The following CLCN5 variants were observed in gnomAD, a reference collection of about 807,000 sequenced individuals.
CLCN5 encodes H(+)/Cl(-) exchange transporter 5.
In CLCN5, 17 loss-of-function variants were observed where a neutral mutation model predicts 54.0. That is an observed-to-expected ratio of 0.31 (90% CI 0.22 to 0.47). The LOEUF (loss-of-function observed/expected upper bound fraction) is 0.47. Ranked by LOEUF, CLCN5 falls within the 20% of genes least tolerant of loss-of-function variation. The probability of loss-of-function intolerance (pLI) is 1.00; values close to 1 mark genes in which losing one functional copy is unlikely to be tolerated. For synonymous variants in CLCN5, 222 were observed against 233.0 expected, an observed-to-expected ratio of 0.95 and a Z score of 0.43; for missense variants, 448 against 646.7, an observed-to-expected ratio of 0.69 and a Z score of 3.33.
intron 3 of CLCN5, among the ~76,000 whole-genome samples, chrX:50,003,847 C>T (rs1930012563): frequency 8.9e-6 from 1 of 111,909 alleles, no homozygotes. Flanking sequence ...GTCTTAGCGG[C>T]ACCTAGAGGA....
intron 2 of CLCN5, among the ~76,000 whole-genome samples, chrX:49,924,688 G>T (rs1925251881): frequency 8.9e-6 from 1 of 111,913 alleles, no homozygotes. Context: ...ACTACTCAAA[G>T]GGTATCATCA....
intron 3 of CLCN5, among the ~76,000 whole-genome samples, chrX:50,028,263 A>G (rs782459948): frequency 8.9e-6 from 1 of 112,099 alleles, no homozygotes. Flanking sequence ...GGTATGCCTT[A>G]TAAGAAAAAC....
chrX:49,973,415 C>T (rs1928324213), intron 3 of CLCN5, among the ~76,000 whole-genome samples: 1 of 109,999 alleles, frequency 9.1e-6, no homozygotes, highest in Non-Finnish European at 1.9e-5. Context: ...GCACAACGTG[C>T]AGGTTTGTTA....
At chrX:50,026,555 G>A (rs1931400842) in intron 3 of CLCN5, among the ~76,000 whole-genome samples, 2 of 111,489 alleles carry the variant, frequency 1.8e-5, no homozygotes, top group South Asian at 7.6e-4. Flanking sequence ...CTGTTGTTAG[G>A]TGCTTATTTA....
intron 3 of CLCN5, among the ~76,000 whole-genome samples, chrX:50,018,305 T>C (rs1930888917): frequency 8.9e-6 from 1 of 112,455 alleles, no homozygotes; most frequent in African/African-American, 3.2e-5. Flanking sequence ...TTGATTTTTG[T>C]ATATTAACCT....
intron 3 of CLCN5, among the ~76,000 whole-genome samples, chrX:49,984,942 T>G (rs1415915449): frequency 2.7e-5 from 3 of 110,438 alleles, no homozygotes; most frequent in African/African-American, 6.6e-5. Flanking sequence ...TTGGTATATT[T>G]AGATTCTTTC....
intron 3 of CLCN5, among the ~76,000 whole-genome samples, chrX:50,036,577 A>G (rs1380931715): frequency 8.9e-5 from 10 of 112,032 alleles, no homozygotes; most frequent in African/African-American, 3.2e-4. Context: ...AATTCCCAGA[A>G]CAATAGGTAC....
At position 50,098,701 on chromosome X, in the gene CLCN5, C is replaced by T. The variant is rs997377113; in HGVS notation, c.*6482C>T. On this transcript the variant is annotated 3_prime_UTR_variant, in exon 15 of 15. Coordinates refer to ENST00000376091, the MANE Select transcript of CLCN5 (RefSeq NM_001127898.4). ...AAGTTTGGTGCTGAGCTGTCCAGAG[C>T]AGTTGTTTATCTGAGTGTTGCTAGC... 5.3e-5 allele frequency: 6 copies of T among 113,121 alleles called. No homozygotes were observed. The highest frequency in any genetic ancestry group is 1.9e-4 in the Admixed American group (2 of 10,706). The allele number at this position is 113,121 out of a possible 1,213,427, so 9.3% of individuals were successfully genotyped here.
At chrX:49,999,293 C>T (rs2147372802) in intron 3 of CLCN5, among the ~76,000 whole-genome samples, 1 of 111,558 alleles carries the variant, frequency 9.0e-6, no homozygotes, top group East Asian at 2.8e-4. Flanking sequence ...TCAGTTCCCT[C>T]CCACACATGA....
At chrX:49,936,354 G>A (rs188902044) in intron 3 of CLCN5, among the ~76,000 whole-genome samples, 1 of 111,870 alleles carries the variant, frequency 8.9e-6, no homozygotes, top group South Asian at 3.7e-4. Context: ...CCTGGTGTTA[G>A]AGATAATTAT....
intron 4 of CLCN5, among the ~76,000 whole-genome samples, chrX:50,068,521 T>A (rs1299585176): frequency 1.2e-5 from 1 of 83,463 alleles, no homozygotes; most frequent in African/African-American, 4.7e-5. Context: ...TCTGCAGAGC[T>A]TTTTCTTTCA....
rs1557194974 is a variant in CLCN5 at position 50,092,622 on chromosome X, A to G, written c.*403A>G. 1 of 140,884 alleles carries G rather than the reference A, an allele frequency of 7.1e-6. No individual in the cohort carries two copies. Among genetic ancestry groups the G allele is most frequent in the East Asian group, 1.8e-4 (1 of 5,525 alleles). 11.6% of individuals were successfully genotyped at this position (140,884 alleles called of 1,213,427 possible). On this transcript the variant is annotated 3_prime_UTR_variant, in exon 15 of 15. Coordinates refer to ENST00000376091, the MANE Select transcript of CLCN5 (RefSeq NM_001127898.4). ...CGAAAAAGTCACTCTTTTGGGATCT[A>G]ACTGTTGTTACTGGAAGACGAAGTG...
At chrX:50,034,203 C>T (rs1931878702) in intron 3 of CLCN5, among the ~76,000 whole-genome samples, 1 of 112,113 alleles carries the variant, frequency 8.9e-6, no homozygotes, top group African/African-American at 3.2e-5. Flanking sequence ...TCTGAGCCCT[C>T]GCTTTGTGTC....
chrX:49,944,312 G>A (rs1926561808), intron 3 of CLCN5, among the ~76,000 whole-genome samples: 3 of 111,566 alleles, frequency 2.7e-5, no homozygotes, highest in African/African-American at 3.3e-5. Context: ...GGGCTGAGAT[G>A]ATGGGGTTTT....
chrX:50,025,948 T>G (rs984355061), intron 3 of CLCN5, among the ~76,000 whole-genome samples: 2 of 112,222 alleles, frequency 1.8e-5, no homozygotes, highest in Middle Eastern at 4.6e-3. Flanking sequence ...TTTAATTTTT[T>G]TAGTTACCTA....
At chrX:49,943,760 A>G (rs1926524898) in intron 3 of CLCN5, among the ~76,000 whole-genome samples, 1 of 111,498 alleles carries the variant, frequency 9.0e-6, no homozygotes, top group African/African-American at 3.3e-5. Flanking sequence ...CCATTGGTCT[A>G]TATCTCTGTT....
At chrX:50,002,685 G>C (rs868910404) in intron 3 of CLCN5, among the ~76,000 whole-genome samples, 75 of 96,317 alleles carry the variant, frequency 7.8e-4, no homozygotes, top group Middle Eastern at 9.7e-3. Context: ...CTCTCTCTGT[G>C]TGTGTGTGTG....
At chrX:50,008,526 G>T in intron 3 of CLCN5, 1 of 350,091 alleles carries the variant, frequency 2.9e-6, no homozygotes, top group Non-Finnish European at 5.9e-6. Context: ...TCATCTTCGT[G>T]TAGGACAGAG....
At chrX:50,066,706 G>C (rs1557190936) in intron 4 of CLCN5, among the ~76,000 whole-genome samples, 1 of 111,819 alleles carries the variant, frequency 8.9e-6, no homozygotes, top group East Asian at 2.8e-4. Context: ...TGAATTTATT[G>C]TCAGGCTAAA....
Sources: gnomAD v4.1 joint callset for allele counts (sites outside exome capture counted in the v4.1 genomes callset) on GRCh38, gnomAD v4.1.1 for gene constraint, MANE v1.5 for transcripts, NCBI Gene and HGNC (gene_info 2026-07-23, HGNC 2026-07-21) for gene names.